Variants in GALK2 observed in about 807,000 individuals in gnomAD.
GALK2 encodes N-acetylgalactosamine kinase.
Under a neutral mutation model 52.4 loss-of-function variants are expected in GALK2, and 36 were observed. The ratio of observed to expected loss-of-function variants is 0.69; its 90% CI spans 0.53 to 0.91. GALK2 has a LOEUF of 0.91. Among genes scored for constraint, GALK2 ranks in the 40% least tolerant of loss-of-function variants. The probability of loss-of-function intolerance (pLI) is 0.00; values close to 1 mark genes in which losing one functional copy is unlikely to be tolerated. For synonymous variants in GALK2, 176 were observed against 199.1 expected, an observed-to-expected ratio of 0.88 and a Z score of 0.98; for missense variants, 579 against 559.1, an observed-to-expected ratio of 1.04 and a Z score of -0.36.
intron 3 of GALK2, among the ~76,000 whole-genome samples, chr15:49,356,128 G>A (rs1450456456): frequency 6.6e-6 from 1 of 152,134 alleles, no homozygotes; most frequent in Non-Finnish European, 1.5e-5. Flanking sequence ...ACCAGCCGCT[G>A]TAAAATCATG....
chr15:49,187,865 A>G (rs1473780670), intron 1 of GALK2, among the ~76,000 whole-genome samples: 1 of 152,104 alleles, frequency 6.6e-6, no homozygotes, highest in Non-Finnish European at 1.5e-5. Flanking sequence ...CATGAGTCCA[A>G]AAATGCCATC....
rs558009170 is a variant in GALK2 at position 49,329,806 on chromosome 15, TA to T, written c.*1664del. ...TTCTTTAAAGATACCTGGATCAGTG[TA>T]AAAAAAAAAAAAAAAAGGCACCTGT... On this transcript the variant is annotated 3_prime_UTR_variant, in exon 10 of 10. Coordinates refer to ENST00000560031, the MANE Select transcript of GALK2 (RefSeq NM_002044.4). 214,437 of 718,378 alleles carry T rather than the reference TA, an allele frequency of 0.3. 2,734 individuals are homozygous for T. The highest frequency in any genetic ancestry group is 0.32 in the Non-Finnish European group (190,046 of 598,776). 44.5% of individuals were successfully genotyped at this position (718,378 alleles called of 1,614,324 possible).
intron 1 of GALK2, among the ~76,000 whole-genome samples, chr15:49,173,050 A>G (rs539948778): frequency 6.6e-6 from 1 of 152,324 alleles, no homozygotes; most frequent in East Asian, 1.9e-4. Context: ...ATCACACCCC[A>G]GAACTCCATT....
chr15:49,262,846 C>T (rs1359034021), intron 5 of GALK2, among the ~76,000 whole-genome samples: 2 of 144,924 alleles, frequency 1.4e-5, no homozygotes, highest in South Asian at 2.3e-4. Context: ...CATTCAGGAG[C>T]AGGTTGTTCA....
At chr15:49,168,860 C>T (rs1217306837), upstream of GALK2, among the ~76,000 whole-genome samples, 1 of 151,692 alleles carries the variant, frequency 6.6e-6, no homozygotes, top group Non-Finnish European at 1.5e-5. Context: ...CAAAATTAAA[C>T]CAAAATGAAC....
chr15:49,281,373 C>T (rs1434749787), intron 5 of GALK2, among the ~76,000 whole-genome samples: 3 of 152,076 alleles, frequency 2.0e-5, no homozygotes, highest in African/African-American at 7.2e-5. Context: ...CTGGTTGAGG[C>T]GTTTAGATTT....
intron 9 of GALK2, among the ~76,000 whole-genome samples, chr15:49,324,449 C>T (rs1046683016): frequency 6.6e-5 from 10 of 151,004 alleles, no homozygotes; most frequent in Non-Finnish European, 1.2e-4. Flanking sequence ...CTTAGGGGTT[C>T]ACTTCTCTTT....
chr15:49,328,717 G>C lies in GALK2; in HGVS notation c.*558G>C, dbSNP rs1308649483. 3.2e-6 allele frequency: 5 copies of C among 1,541,356 alleles called. No individual in the cohort carries two copies. Among genetic ancestry groups the C allele is most frequent in the East Asian group, 2.5e-5 (1 of 40,716 alleles). ...TGATTAAAGTTTCACAGATCTTCTT[G>C]GACATTGTATAATTGAATTTGAATG... On this transcript the variant is annotated 3_prime_UTR_variant, in exon 10 of 10. Transcript: ENST00000560031.
chr15:49,292,610 G>A, intron 8 of GALK2, 73 bp downstream of exon 8: 5 of 1,208,536 alleles, frequency 4.1e-6, no homozygotes, highest in Middle Eastern at 2.3e-4. Flanking sequence ...TTTCTCCACT[G>A]GTTTTAGAGA....
In GALK2 at chr15:49,296,520, C is replaced by T. The variant is rs1017082073; in HGVS notation, c.967+3983C>T. Among the ~76,000 whole-genome samples the T allele has an allele frequency of 2.0e-5, 3 of 152,068 alleles. No individual in the cohort carries two copies. In the East Asian group the frequency reaches 5.8e-4, roughly 29 times the overall value. On this transcript the variant is annotated intron_variant, in intron 8 of 9. Coordinates refer to ENST00000560031, the MANE Select transcript of GALK2 (RefSeq NM_002044.4). ...TTGCACCACGTTTTCTTTATCCAGT[C>T]AACTGTTGGGCATCTAGTTTGATTC...
intron 1 of GALK2, among the ~76,000 whole-genome samples, chr15:49,159,433 T>C (rs2141145961): frequency 6.6e-6 from 1 of 151,934 alleles, no homozygotes; most frequent in South Asian, 2.1e-4. Flanking sequence ...AAAAAAAAAT[T>C]ATCCAGGCAT....
chr15:49,323,414 A>AG (rs979893132), intron 9 of GALK2, among the ~76,000 whole-genome samples: 2 of 152,144 alleles, frequency 1.3e-5, no homozygotes, highest in Non-Finnish European at 2.9e-5. Context: ...CAAAAGAGGG[A>AG]GGAGGAGGGA....
At chr15:49,293,370 C>A (rs778887441) in intron 8 of GALK2, among the ~76,000 whole-genome samples, 1 of 152,224 alleles carries the variant, frequency 6.6e-6, no homozygotes, top group Non-Finnish European at 1.5e-5. Flanking sequence ...CTAACACTGT[C>A]GATCCAATTT....
rs1163125402 is a variant in GALK2, at chr15:49,358,872, A to G, written c.427-8619A>G. ...GCTACAGTAACCAAAACAGCATGGT[A>G]CTGGTACCAAAACAGAGATATAGAT... On this transcript the variant is annotated intron_variant, in intron 3 of 3. Coordinates refer to the GALK2 transcript ENST00000558399. 2.0e-5 allele frequency among the ~76,000 whole-genome samples: 3 copies of G among 150,602 alleles called. No individual in the cohort carries two copies. In the East Asian group the frequency reaches 5.9e-4, roughly 30 times the overall value.
At chr15:49,283,462 A>G (rs2032982052) in intron 6 of GALK2, 104 bp from the exon 7 acceptor site, 1 of 972,454 alleles carries the variant, frequency 1.0e-6, no homozygotes, top group African/African-American at 1.6e-5. Flanking sequence ...ATTTGAATGA[A>G]TGAATGCATT....
At chr15:49,279,734 C>G (rs1041936013) in intron 5 of GALK2, among the ~76,000 whole-genome samples, 9 of 152,158 alleles carry the variant, frequency 5.9e-5, no homozygotes, top group Non-Finnish European at 1.3e-4. Flanking sequence ...AGTTGGGCAC[C>G]CAGGTTCCAT....
rs541994695 is a variant in GALK2, at chr15:49,283,421, C to G, written c.604-145C>G. The G allele has an allele frequency of 3.0e-5, 20 of 671,662 alleles. No individual in the cohort carries two copies. The South Asian group carries it at 4.0e-4, about 13-fold the overall frequency. The allele number at this position is 671,662 out of a possible 1,614,324, so 41.6% of individuals were successfully genotyped here. On this transcript the variant is annotated intron_variant, in intron 6 of 9. Transcript: ENST00000560031. Reference sequence around the variant, plus strand: ...CTGTTCACTGTTGTATTTCCAGTGCCTAGTACAGCGCCTGGAGGTCAATAA... The same window carrying G: ...CTGTTCACTGTTGTATTTCCAGTGCGTAGTACAGCGCCTGGAGGTCAATAA...
intron 2 of GALK2, among the ~76,000 whole-genome samples, chr15:49,203,168 G>A (rs200269815): frequency 3.3e-5 from 5 of 151,466 alleles, no homozygotes; most frequent in East Asian, 3.9e-4. Flanking sequence ...CTCCTGCCTC[G>A]GCCTCCCGAG....
intron 1 of GALK2, among the ~76,000 whole-genome samples, chr15:49,193,460 T>C (rs927909374): frequency 6.6e-6 from 1 of 152,020 alleles, no homozygotes; most frequent in African/African-American, 2.4e-5. Flanking sequence ...TTGCCATAAA[T>C]GTTTTAAAAC....
Sources: allele counts gnomAD v4.1 joint callset (sites outside exome capture counted in the v4.1 genomes callset), GRCh38; gene constraint gnomAD v4.1.1; transcripts MANE v1.5; gene names NCBI Gene and HGNC (gene_info 2026-07-23, HGNC 2026-07-21).